Variants in TBL1X observed in about 807,000 individuals in gnomAD.
TBL1X encodes F-box-like/WD repeat-containing protein TBL1X.
A neutral mutation model predicts 50.7 loss-of-function variants in TBL1X; 10 were observed. The observed-to-expected ratio is 0.20, with a 90% CI of 0.12 to 0.33. The LOEUF is 0.33. TBL1X is among the 10% of genes least tolerant of loss of function. The probability of loss-of-function intolerance (pLI) is 1.00; values close to 1 mark genes in which losing one functional copy is unlikely to be tolerated. For missense variants in TBL1X, 340 were observed against 504.4 expected, an observed-to-expected ratio of 0.67 and a Z score of 3.12; for synonymous variants, 190 against 214.7, an observed-to-expected ratio of 0.88 and a Z score of 1.01.
At chrX:9,693,554 C>A in intron 11 of TBL1X, 135 bp downstream of exon 11, 2 of 636,076 alleles carry the variant, frequency 3.1e-6, no homozygotes, top group South Asian at 3.0e-5. Flanking sequence ...TTTGTTTAGG[C>A]TTTGTTTTTG....
upstream of TBL1X, chrX:9,465,044 T>G (rs1391186027): frequency 1.9e-5 from 2 of 107,976 alleles, no homozygotes; most frequent in Non-Finnish European, 3.9e-5. Flanking sequence ...GCGGTCCTCC[T>G]GGCTGGGGTC....
At chrX:9,500,682 G>A (rs371002357) in intron 1 of TBL1X, among the ~76,000 whole-genome samples, 1 of 112,173 alleles carries the variant, frequency 8.9e-6, no homozygotes, top group Non-Finnish European at 1.9e-5. Context: ...CTGCAGTAGC[G>A]GTGGTGTGGG....
chrX:9,483,336 A>G (rs1421763757), intron 1 of TBL1X, among the ~76,000 whole-genome samples: 1 of 112,448 alleles, frequency 8.9e-6, no homozygotes, highest in Non-Finnish European at 1.9e-5. Context: ...ATTTTTTTCT[A>G]AAGCAAAAAG....
At chrX:9,625,932 T>A (rs1268871254) in intron 2 of TBL1X, among the ~76,000 whole-genome samples, 1 of 111,711 alleles carries the variant, frequency 9.0e-6, no homozygotes, top group Non-Finnish European at 1.9e-5. Flanking sequence ...GGTTACCCTT[T>A]TTTGGTTGTT....
At chrX:9,469,246 T>G (rs761965880) in intron 1 of TBL1X, among the ~76,000 whole-genome samples, 137 of 111,949 alleles carry the variant, frequency 1.2e-3, no homozygotes, top group African/African-American at 4.3e-3. Context: ...CTCGGCTCAC[T>G]CTGCCTCCCG....
intron 2 of TBL1X, among the ~76,000 whole-genome samples, chrX:9,598,238 C>A (rs1569070170): frequency 9.0e-6 from 1 of 111,712 alleles, no homozygotes; most frequent in Non-Finnish European, 1.9e-5. Context: ...TGAAGCCAAT[C>A]AGCTTGTGGT....
chrX:9,617,120 T>C (rs996756468), intron 2 of TBL1X, among the ~76,000 whole-genome samples: 1 of 111,909 alleles, frequency 8.9e-6, no homozygotes. Flanking sequence ...GTGTTTTTAA[T>C]GTAACCCATT....
chrX:9,650,113 C>G (rs1216441594), intron 3 of TBL1X, among the ~76,000 whole-genome samples: 1 of 112,400 alleles, frequency 8.9e-6, no homozygotes, highest in African/African-American at 3.2e-5. Flanking sequence ...GTGGTCAGGT[C>G]ACCAAGCAGC....
chrX:9,684,545 T>C (rs2083044897), intron 6 of TBL1X, among the ~76,000 whole-genome samples: 1 of 92,530 alleles, frequency 1.1e-5, no homozygotes, highest in Non-Finnish European at 2.0e-5. Context: ...TAAGCTATAA[T>C]TGCACCAGTA....
At chrX:9,526,864 G>C (rs1257666211) in intron 2 of TBL1X, among the ~76,000 whole-genome samples, 2 of 111,875 alleles carry the variant, frequency 1.8e-5, no homozygotes, top group African/African-American at 6.5e-5. Context: ...TCCTGGAGTT[G>C]ATAGACTTGT....
chrX:9,535,997 C>A (rs2082185648), intron 2 of TBL1X, among the ~76,000 whole-genome samples: 2 of 111,859 alleles, frequency 1.8e-5, no homozygotes, highest in Admixed American at 1.9e-4. Context: ...CCTGAATCCA[C>A]TAATGTGGGC....
intron 1 of TBL1X, among the ~76,000 whole-genome samples, chrX:9,474,413 C>T (rs185405813): frequency 1.3e-3 from 145 of 113,374 alleles, no homozygotes; most frequent in Non-Finnish European, 2.1e-3. Context: ...TGTGCGTTTG[C>T]ACGCACATGT....
chrX:9,500,841 G>C (rs919080959), intron 1 of TBL1X, among the ~76,000 whole-genome samples: 4 of 111,864 alleles, frequency 3.6e-5, no homozygotes, highest in African/African-American at 1.3e-4. Flanking sequence ...GGTAATTTTT[G>C]TTCCCCAGGG....
intron 2 of TBL1X, among the ~76,000 whole-genome samples, chrX:9,574,035 G>A (rs909251115): frequency 1.8e-5 from 2 of 111,677 alleles, no homozygotes; most frequent in East Asian, 2.8e-4. Flanking sequence ...AGGATGCAGC[G>A]CTTACAGCAG....
At position 9,553,467 on chromosome X, in the gene TBL1X, G is replaced by A. The variant is rs762163924; in HGVS notation, c.-131+51618G>A. ...TGTCTGTGTTGCTTATGGTAGCCGAGCTGGAGATTCTTTGTGACAGCAGCA... is the reference window on the plus strand; with the variant it reads ...TGTCTGTGTTGCTTATGGTAGCCGAACTGGAGATTCTTTGTGACAGCAGCA... On this transcript the variant is annotated intron_variant, in intron 2 of 17. Coordinates refer to ENST00000645353, the MANE Select transcript of TBL1X (RefSeq NM_005647.4). 7.1e-4 allele frequency among the ~76,000 whole-genome samples: 79 copies of A among 112,049 alleles called. 1 individual carries two copies. The highest frequency in any genetic ancestry group is 4.7e-4 in the Non-Finnish European group (25 of 53,189).
intron 2 of TBL1X, among the ~76,000 whole-genome samples, chrX:9,600,603 C>A (rs957749216): frequency 9.0e-6 from 1 of 111,078 alleles, no homozygotes; most frequent in African/African-American, 3.3e-5. Flanking sequence ...CCATTTTGAC[C>A]CCAGTTGGTT....
chrX:9,480,145 G>T (rs1370026532), intron 1 of TBL1X, among the ~76,000 whole-genome samples: 3 of 111,377 alleles, frequency 2.7e-5, no homozygotes, highest in African/African-American at 9.8e-5. Flanking sequence ...GTAGAGACAG[G>T]GTTTCTCCAT....
intron 2 of TBL1X, among the ~76,000 whole-genome samples, chrX:9,579,086 T>G (rs2082427009): frequency 8.9e-6 from 1 of 111,847 alleles, no homozygotes; most frequent in Non-Finnish European, 1.9e-5. Flanking sequence ...TATCTGTGAA[T>G]GTGTGAAGTA....
chrX:9,642,234 C>T (rs772629513), intron 3 of TBL1X, among the ~76,000 whole-genome samples: 20 of 111,595 alleles, frequency 1.8e-4, no homozygotes, highest in Middle Eastern at 4.6e-3. Flanking sequence ...TGGCTTTATA[C>T]CTCAGTCATT....
Sources: allele counts gnomAD v4.1 joint callset (sites outside exome capture counted in the v4.1 genomes callset), GRCh38; gene constraint gnomAD v4.1.1; transcripts MANE v1.5; gene names NCBI Gene and HGNC (gene_info 2026-07-23, HGNC 2026-07-21).